Variants in CSDE1 observed in about 807,000 individuals in gnomAD.
CSDE1 encodes the protein cold shock domain-containing protein E1.
In CSDE1, 17 loss-of-function variants were observed where a neutral mutation model predicts 89.3. That is an observed-to-expected ratio of 0.19 (90% CI 0.13 to 0.29). The LOEUF (loss-of-function observed/expected upper bound fraction) is 0.29, where lower values mean the gene tolerates loss of function less well. Ranked by LOEUF, CSDE1 falls within the 10% of genes least tolerant of loss-of-function variation. The pLI, the probability that CSDE1 is intolerant of heterozygous loss-of-function variation, is 1.00. For synonymous variants in CSDE1, 322 were observed against 332.8 expected (o/e 0.97, Z 0.35); for missense variants, 672 against 984.2 (o/e 0.68, Z 4.24).
intron 10 of CSDE1, 110 bp downstream of exon 10, chr1:114,732,494 G>A (rs1293479913): frequency 2.2e-6 from 2 of 893,412 alleles, no homozygotes; most frequent in South Asian, 3.2e-5. Context: ...CAAGGTAAAT[G>A]CCCATTAGGG....
chr1:114,737,622 AAT>A (rs1660475450), intron 4 of CSDE1, 59 bp from the exon 5 acceptor site: 2 of 1,298,748 alleles, frequency 1.5e-6, no homozygotes, highest in African/African-American at 2.9e-5. Flanking sequence ...AGCACTGTGC[AAT>A]ATAAACTGAA....
rs1410714476 is a variant in CSDE1, at chr1:114,730,267, G to A, written c.1347C>T (p.Gly449=). Residue 449 remains glycine, a synonymous_variant, in exon 12 of 20, where the codon GGC becomes GGT. Coordinates refer to ENST00000358528, the MANE Select transcript of CSDE1 (RefSeq NM_001007553.3). ...SNPKTTSPNK[G]KEKEAEDGII... ...ATTATGCAAAACCTACCTTCTCTTT[G>A]CCTTTATTTGGGCTAGTGGTTTTAG... 1.2e-6 allele frequency: 2 copies of A among 1,612,356 alleles called. No individual in the cohort carries two copies. The highest frequency in any genetic ancestry group is 1.7e-4 in the Middle Eastern group (1 of 6,056).
chr1:114,756,444 A>G (rs1350644530), intron 1 of CSDE1, among the ~76,000 whole-genome samples: 1 of 152,232 alleles, frequency 6.6e-6, no homozygotes, highest in Non-Finnish European at 1.5e-5. Context: ...TTAGTACCAA[A>G]AGAAAACCAA....
intron 2 of CSDE1, among the ~76,000 whole-genome samples, chr1:114,746,013 GT>G (rs1660993083): frequency 6.6e-6 from 1 of 152,108 alleles, no homozygotes. Flanking sequence ...CATCTAAGTT[GT>G]TTTTCCCCCC....
Position 114,741,577 on chromosome 1 carries a change from T to C in CSDE1, c.1-1687A>G, listed in dbSNP as rs1203707463. The C allele has an allele frequency of 4.5e-6, 7 of 1,550,748 alleles. No homozygotes were observed. The highest frequency in any genetic ancestry group is 2.4e-5 in the East Asian group (1 of 40,884). ...TTTTGTTTTTTAGTCCCAGATGAGG[T>C]AGAAGATGAAGATAAGGGTAAAGAA... On this transcript the variant is annotated intron_variant, in intron 2 of 19. Transcript: ENST00000358528.
rs1259457152 is a variant in CSDE1, at chr1:114,719,757, T to C, written c.2053-15A>G. 1 of 1,600,850 alleles carries C rather than the reference T, an allele frequency of 6.2e-7. No individual in the cohort carries two copies. Among genetic ancestry groups the C allele is most frequent in the African/African-American group, 1.4e-5 (1 of 73,546 alleles). ...ATGAAGCCAAACTGAAAAAAAAAAGTAGGTAAAAAAGAGAGGGCATGCCAC... is the reference window on the plus strand; with the variant it reads ...ATGAAGCCAAACTGAAAAAAAAAAGCAGGTAAAAAAGAGAGGGCATGCCAC... On this transcript the variant is annotated splice_polypyrimidine_tract_variant and intron_variant, in intron 17 of 19. Coordinates refer to ENST00000358528, the MANE Select transcript of CSDE1 (RefSeq NM_001007553.3).
chr1:114,717,839 T>C lies in CSDE1; in HGVS notation c.*330A>G. The C allele has an allele frequency of 3.3e-6, 1 of 301,032 alleles. No individual in the cohort carries two copies. The highest frequency in any genetic ancestry group is 6.1e-6 in the Non-Finnish European group (1 of 163,116). 18.6% of individuals were successfully genotyped at this position (301,032 alleles called of 1,614,324 possible). ...GCAGAATTTCATAGGGCCAACAAGA[T>C]AACAGTCTATATTTTTCACTTACAC... On this transcript the variant is annotated 3_prime_UTR_variant, in exon 20 of 20. Transcript: ENST00000358528.
chr1:114,732,864 T>C (rs1432204341), intron 9 of CSDE1, 48 bp from the exon 10 acceptor site: 1 of 1,472,082 alleles, frequency 6.8e-7, no homozygotes, highest in South Asian at 1.1e-5. Context: ...TCATCCTTCC[T>C]AGTTCTAAGT....
At chr1:114,725,658 C>G (rs1312875256) in intron 14 of CSDE1, among the ~76,000 whole-genome samples, 1 of 150,866 alleles carries the variant, frequency 6.6e-6, no homozygotes, top group Non-Finnish European at 1.5e-5. Flanking sequence ...TTTTTTGAGA[C>G]AGAGTCTCAC....
chr1:114,728,540 A>C lies in CSDE1; in HGVS notation c.1357-1450T>G, dbSNP rs573705875. 8.5e-5 allele frequency among the ~76,000 whole-genome samples: 13 copies of C among 152,322 alleles called. No homozygotes were observed. The South Asian group carries it at 2.7e-3, about 32-fold the overall frequency. On this transcript the variant is annotated intron_variant, in intron 12 of 19. Coordinates refer to ENST00000358528, the MANE Select transcript of CSDE1 (RefSeq NM_001007553.3). ...TACTGTTGGACTAAGAAAGAAAAAA[A>C]AACAAAAAATGGCAGGGAAAGTCTC...
chr1:114,754,199 G>A (rs543550000), intron 1 of CSDE1, among the ~76,000 whole-genome samples: 10 of 152,144 alleles, frequency 6.6e-5, no homozygotes, highest in Non-Finnish European at 1.5e-4. Context: ...CACCATGTTG[G>A]TCAGGCTGGT....
intron 1 of CSDE1, among the ~76,000 whole-genome samples, chr1:114,757,574 C>A (rs1040881707): frequency 6.6e-6 from 1 of 152,122 alleles, no homozygotes; most frequent in African/African-American, 2.4e-5. Flanking sequence ...GACTACAGAT[C>A]CCAGCAGCCT....
At chr1:114,745,035 C>A (rs2101071159) in intron 2 of CSDE1, among the ~76,000 whole-genome samples, 1 of 151,708 alleles carries the variant, frequency 6.6e-6, no homozygotes, top group Non-Finnish European at 1.5e-5. Context: ...AATAAAAAAT[C>A]CAGATAAAGC....
chr1:114,748,208 G>GT (rs1661121361), intron 2 of CSDE1: 2 of 152,134 alleles, frequency 1.3e-5, no homozygotes, highest in African/African-American at 4.8e-5. Flanking sequence ...TGAAGCTTTT[G>GT]TAACTGAATG....
chr1:114,742,019 G>T (rs1354738898), intron 2 of CSDE1, among the ~76,000 whole-genome samples: 2 of 152,126 alleles, frequency 1.3e-5, no homozygotes, highest in East Asian at 3.9e-4. Context: ...ACCCAATGGG[G>T]TGCAGAAGAA....
intron 9 of CSDE1, 140 bp from the exon 10 acceptor site, chr1:114,732,956 C>A (rs1660185711): frequency 2.9e-6 from 2 of 683,954 alleles, no homozygotes; most frequent in Non-Finnish European, 5.0e-6. Context: ...CAACATAAGT[C>A]CAATGTGAAA....
rs188781105 is a variant in CSDE1, at chr1:114,737,837, G to A, written c.309+126C>T. ...AGTGCTTTTGATTAATTTTAAAATA[G>A]TAATCTTTATATACTATAGCTCTCT... On this transcript the variant is annotated intron_variant, in intron 4 of 19. Transcript: ENST00000358528. 8.7e-5 allele frequency: 60 copies of A among 691,558 alleles called. 1 individual carries two copies. The highest frequency in any genetic ancestry group is 7.6e-4 in the East Asian group (28 of 37,004). The allele number at this position is 691,558 out of a possible 1,614,324, so 42.8% of individuals were successfully genotyped here. A position where few individuals can be genotyped will look rare whatever the true frequency, so the allele number is the denominator to read the frequency against.
intron 2 of CSDE1, among the ~76,000 whole-genome samples, chr1:114,747,061 G>C (rs1661049724): frequency 1.3e-5 from 2 of 152,156 alleles, no homozygotes; most frequent in South Asian, 2.1e-4. Flanking sequence ...AGCGCGACAG[G>C]AATTTTCTAG....
In CSDE1 at chr1:114,723,916, C is replaced by CAGT. The variant is rs1307408312; in HGVS notation, c.1837_1839dup (p.Thr613dup). 6.2e-7 allele frequency: 1 copy of CAGT among 1,613,956 alleles called. No homozygotes were observed. The highest frequency in any genetic ancestry group is 8.5e-7 in the Non-Finnish European group (1 of 1,179,954). Reference sequence around the variant, plus strand: ...ACAATCTCAATCATTCCTTGGTACTCAGTCTGTGTTGGATCAACACTCCTC... The same window carrying CAGT: ...ACAATCTCAATCATTCCTTGGTACTCAGTAGTCTGTGTTGGATCAACACTCCTC... On this transcript the variant is annotated inframe_insertion, in exon 16 of 20. Transcript: ENST00000358528.
Sources: gnomAD v4.1 joint callset for allele counts (sites outside exome capture counted in the v4.1 genomes callset) on GRCh38, gnomAD v4.1.1 for gene constraint, MANE v1.5 for transcripts, NCBI Gene and HGNC (gene_info 2026-07-23, HGNC 2026-07-21) for gene names.